Variants in ANKS1B observed in about 807,000 individuals in gnomAD.
ANKS1B encodes the protein ankyrin repeat and sterile alpha motif domain containing 1B, also known as ankyrin repeat and sterile alpha motif domain-containing protein 1B.
ANKS1B carries 36 observed loss-of-function variants against 148.3 expected under a neutral mutation model. The observed-to-expected ratio is 0.24, with a 90% CI of 0.19 to 0.32. The LOEUF (loss-of-function observed/expected upper bound fraction) is 0.32. Among genes scored for constraint, ANKS1B ranks in the 10% least tolerant of loss-of-function variants. The probability of loss-of-function intolerance (pLI) is 1.00; values close to 1 mark genes in which losing one functional copy is unlikely to be tolerated. For missense variants in ANKS1B, 1,157 were observed against 1,542.6 expected (o/e 0.75, Z 4.19); for synonymous variants, 542 against 560.8 (o/e 0.97, Z 0.47).
At chr12:98,876,213 C>T (rs1227088466) in intron 17 of ANKS1B, among the ~76,000 whole-genome samples, 1 of 152,186 alleles carries the variant, frequency 6.6e-6, no homozygotes, top group East Asian at 1.9e-4. Flanking sequence ...TATTACATTA[C>T]CACTGGTTGC....
rs185556139 is a variant in ANKS1B at position 99,845,769 on chromosome 12, T to C, written c.135-20380A>G. 1.0e-2 allele frequency among the ~76,000 whole-genome samples: 1,512 copies of C among 151,650 alleles called. 23 individuals carry two copies. The highest frequency in any genetic ancestry group is 0.034 in the African/African-American group (1,412 of 41,474). On this transcript the variant is annotated intron_variant, in intron 1 of 26. Coordinates refer to ENST00000683438, the MANE Select transcript of ANKS1B (RefSeq NM_001352186.2). ...GTAGGGAGGAGTACTTCCTTTTCGA[T>C]TTTTTTGGAATAGTTTCAATAGGAA...
chr12:99,548,838 C>A (rs1011332091), intron 9 of ANKS1B, among the ~76,000 whole-genome samples: 1 of 152,048 alleles, frequency 6.6e-6, no homozygotes, highest in African/African-American at 2.4e-5. Context: ...TTAGAAGTTG[C>A]GAAGATCATC....
rs74513059 is a variant in ANKS1B at position 99,787,462 on chromosome 12, G to T, written c.670-5365C>A. On this transcript the variant is annotated intron_variant, in intron 4 of 26. Transcript: ENST00000683438. ...CTTTCCTTTATAAATTACAACCTCA[G>T]GTATGTCTTTATTAGGAGACATACT... Among the ~76,000 whole-genome samples, 5 of 152,034 alleles carry T rather than the reference G, an allele frequency of 3.3e-5. No individual in the cohort carries two copies. The South Asian group carries it at 1.0e-3, about 32-fold the overall frequency.
At chr12:98,765,508 C>G (rs143780400) in intron 25 of ANKS1B, among the ~76,000 whole-genome samples, 2 of 151,708 alleles carry the variant, frequency 1.3e-5, no homozygotes, top group Admixed American at 6.6e-5. Context: ...AGGAGATCCA[C>G]CTGCCTCAGC....
intron 1 of ANKS1B, among the ~76,000 whole-genome samples, chr12:99,937,199 T>C (rs117037558): frequency 3.0e-4 from 46 of 152,300 alleles, no homozygotes; most frequent in Non-Finnish European, 6.0e-4. Context: ...TGGTGTATTC[T>C]TGTGTCACCA....
chr12:99,241,591 A>G (rs2089336022), intron 14 of ANKS1B, among the ~76,000 whole-genome samples: 1 of 152,218 alleles, frequency 6.6e-6, no homozygotes, highest in Non-Finnish European at 1.5e-5. Context: ...CAGAGACACA[A>G]CAACAAAAGA....
intron 9 of ANKS1B, among the ~76,000 whole-genome samples, chr12:99,645,952 C>A (rs953586405): frequency 1.3e-5 from 2 of 150,706 alleles, no homozygotes; most frequent in African/African-American, 4.9e-5. Context: ...TGGAGACCAG[C>A]GCTCTAATGG....
At chr12:99,702,616 C>T (rs906700098) in intron 8 of ANKS1B, among the ~76,000 whole-genome samples, 2 of 151,518 alleles carry the variant, frequency 1.3e-5, no homozygotes, top group African/African-American at 2.4e-5. Flanking sequence ...AATTATGGCT[C>T]ACTGCAGCCT....
chr12:98,772,074 G>A (rs540451413), intron 25 of ANKS1B, among the ~76,000 whole-genome samples: 13 of 152,270 alleles, frequency 8.5e-5, no homozygotes, highest in African/African-American at 2.6e-4. Flanking sequence ...AGGTAGGGCT[G>A]GCATTCTAAG....
chr12:99,059,229 G>C (rs1265658972), intron 16 of ANKS1B, among the ~76,000 whole-genome samples: 1 of 152,048 alleles, frequency 6.6e-6, no homozygotes, highest in Non-Finnish European at 1.5e-5. Context: ...TTCTTCATTG[G>C]ACTGCCTACC....
intron 1 of ANKS1B, among the ~76,000 whole-genome samples, chr12:99,829,751 A>C (rs1338851080): frequency 6.6e-6 from 1 of 152,176 alleles, no homozygotes. Flanking sequence ...AAATGCTTGA[A>C]CCTGGGAGGC....
chr12:99,122,279 T>G (rs1234552518), intron 15 of ANKS1B, among the ~76,000 whole-genome samples: 1 of 152,204 alleles, frequency 6.6e-6, no homozygotes, highest in Non-Finnish European at 1.5e-5. Context: ...ATTAAGAGTA[T>G]GTTGAATAGA....
chr12:98,898,367 T>C (rs1268496017), intron 17 of ANKS1B, among the ~76,000 whole-genome samples: 2 of 152,160 alleles, frequency 1.3e-5, no homozygotes, highest in African/African-American at 4.8e-5. Context: ...CATTAAATAA[T>C]TCACAGGAGA....
intron 12 of ANKS1B, among the ~76,000 whole-genome samples, chr12:99,320,255 G>A (rs556258036): frequency 2.6e-4 from 40 of 152,312 alleles, no homozygotes; most frequent in Non-Finnish European, 5.1e-4. Flanking sequence ...CTAGGTTGGG[G>A]AAGTTCTCCT....
chr12:99,393,416 G>T (rs577250002), intron 12 of ANKS1B, among the ~76,000 whole-genome samples: 74 of 152,280 alleles, frequency 4.9e-4, no homozygotes, highest in Non-Finnish European at 8.5e-4. Flanking sequence ...AGGAGCCTTG[G>T]CACCTCAAGG....
At chr12:99,289,990 G>C (rs1178779908) in intron 12 of ANKS1B, among the ~76,000 whole-genome samples, 3 of 151,490 alleles carry the variant, frequency 2.0e-5, no homozygotes, top group Non-Finnish European at 4.4e-5. Flanking sequence ...TGAAAAGTTG[G>C]TTTTTTGAAA....
chr12:99,512,758 G>A (rs186550267), intron 9 of ANKS1B, among the ~76,000 whole-genome samples: 83 of 152,212 alleles, frequency 5.5e-4, no homozygotes, highest in Non-Finnish European at 1.0e-3. Flanking sequence ...GCAGGGACAT[G>A]GATGGAGCTG....
chr12:99,524,835 C>T lies in ANKS1B; in HGVS notation c.1273-20194G>A, dbSNP rs531183344. Among the ~76,000 whole-genome samples, 5 of 152,210 alleles carry T rather than the reference C, an allele frequency of 3.3e-5. No homozygotes were observed. The East Asian group carries it at 5.8e-4, about 18-fold the overall frequency. On this transcript the variant is annotated intron_variant, in intron 9 of 26. Coordinates refer to ENST00000683438, the MANE Select transcript of ANKS1B (RefSeq NM_001352186.2). ...CCATGAGAACAGTATTGGGGAACTG[C>T]CCCCATAATTCAATTATCTCCCACA...
chr12:99,809,892 A>G (rs1447348598), intron 3 of ANKS1B, among the ~76,000 whole-genome samples: 1 of 152,090 alleles, frequency 6.6e-6, no homozygotes, highest in Non-Finnish European at 1.5e-5. Context: ...GCGTTCAAAC[A>G]CTGGCTGCAT....
Sources: allele counts gnomAD v4.1 joint callset (sites outside exome capture counted in the v4.1 genomes callset), GRCh38; gene constraint gnomAD v4.1.1; transcripts MANE v1.5; gene names NCBI Gene and HGNC (gene_info 2026-07-23, HGNC 2026-07-21).